Variants in MAGI2 observed in about 807,000 individuals in gnomAD.
MAGI2 encodes the protein membrane-associated guanylate kinase, WW and PDZ domain-containing protein 2.
A neutral mutation model predicts 133.3 loss-of-function variants in MAGI2; 35 were observed. The observed-to-expected ratio is 0.26, with a 90% CI of 0.20 to 0.35. MAGI2 has a LOEUF of 0.35. MAGI2 is among the 10% of genes least tolerant of loss of function. The pLI is 1.00. For synonymous variants in MAGI2, 729 were observed against 710.6 expected (o/e 1.03, Z -0.41); for missense variants, 1,636 against 1,863.4 (o/e 0.88, Z 2.25).
intron 2 of MAGI2, among the ~76,000 whole-genome samples, chr7:78,809,556 C>T (rs1339049329): frequency 6.6e-6 from 1 of 152,004 alleles, no homozygotes; most frequent in Admixed American, 6.6e-5. Context: ...GCCCACTTAC[C>T]TACAGATGTG....
intron 2 of MAGI2, among the ~76,000 whole-genome samples, chr7:78,765,943 G>A (rs924550686): frequency 6.6e-6 from 1 of 152,208 alleles, no homozygotes; most frequent in Non-Finnish European, 1.5e-5. Context: ...ACCAGCATGT[G>A]CTAAGGTCCT....
intron 2 of MAGI2, among the ~76,000 whole-genome samples, chr7:78,879,496 A>G (rs995454905): frequency 2.6e-5 from 4 of 152,078 alleles, no homozygotes; most frequent in Non-Finnish European, 5.9e-5. Flanking sequence ...ACCCTACCCA[A>G]CATTCTCTAC....
At chr7:79,300,418 G>A (rs1837304454) in intron 1 of MAGI2, among the ~76,000 whole-genome samples, 1 of 152,172 alleles carries the variant, frequency 6.6e-6, no homozygotes, top group African/African-American at 2.4e-5. Flanking sequence ...TCATGACTTA[G>A]TGATATATGA....
chr7:79,181,081 T>A (rs1483993736), intron 1 of MAGI2, among the ~76,000 whole-genome samples: 1 of 151,806 alleles, frequency 6.6e-6, no homozygotes, highest in African/African-American at 2.4e-5. Flanking sequence ...GCATTGAGTA[T>A]CTGCAGCTTT....
At chr7:78,893,396 T>G (rs911654061) in intron 2 of MAGI2, among the ~76,000 whole-genome samples, 9 of 152,138 alleles carry the variant, frequency 5.9e-5, no homozygotes, top group African/African-American at 1.9e-4. Context: ...ACCCAAAGGA[T>G]TATAAATCAT....
At chr7:79,073,962 A>C (rs6942475) in intron 1 of MAGI2, among the ~76,000 whole-genome samples, 128,155 of 151,950 alleles carry the variant, frequency 0.84, 54,607 homozygotes, top group Non-Finnish European at 0.88. Context: ...TTCAGAGACA[A>C]CCTCATAGAT....
intron 1 of MAGI2, among the ~76,000 whole-genome samples, chr7:79,385,106 A>G (rs1585789128): frequency 6.6e-6 from 1 of 151,954 alleles, no homozygotes; most frequent in East Asian, 1.9e-4. Flanking sequence ...AGGATCTTTT[A>G]AAAGATCTGA....
intron 3 of MAGI2, among the ~76,000 whole-genome samples, chr7:78,560,546 T>G (rs1026334406): frequency 6.6e-6 from 1 of 152,082 alleles, no homozygotes; most frequent in African/African-American, 2.4e-5. Context: ...TACTTTAAAA[T>G]TTTTTTAAAA....
At chr7:79,130,932 CATTT>C (rs1304248354) in intron 1 of MAGI2, among the ~76,000 whole-genome samples, 17 of 134,874 alleles carry the variant, frequency 1.3e-4, no homozygotes, top group East Asian at 6.5e-4. Context: ...TTCATTCATT[CATTT>C]ATTCATTCAC....
At chr7:78,122,103 C>T (rs1820526578) in intron 20 of MAGI2, among the ~76,000 whole-genome samples, 1 of 152,016 alleles carries the variant, frequency 6.6e-6, no homozygotes, top group Non-Finnish European at 1.5e-5. Context: ...ATGTCAAGTG[C>T]TTTATTTAGG....
intron 2 of MAGI2, among the ~76,000 whole-genome samples, chr7:78,822,837 G>A (rs1034631094): frequency 1.3e-5 from 2 of 152,146 alleles, no homozygotes; most frequent in Admixed American, 1.3e-4. Flanking sequence ...AATAAGTTAT[G>A]AGTATACAAT....
chr7:79,024,515 GCAAAACAAAA>G (rs138227043), intron 1 of MAGI2, among the ~76,000 whole-genome samples: 28 of 150,640 alleles, frequency 1.9e-4, no homozygotes, highest in South Asian at 8.4e-4. Context: ...CTTCTGCATA[GCAAAACAAAA>G]CAAAACAAAA....
chr7:78,472,014 T>C (rs1318378401), intron 6 of MAGI2, among the ~76,000 whole-genome samples: 1 of 151,862 alleles, frequency 6.6e-6, no homozygotes, highest in Non-Finnish European at 1.5e-5. Flanking sequence ...AAAACCAGGA[T>C]CTGAATCCAA....
chr7:78,839,127 G>A (rs1295564430), intron 2 of MAGI2, among the ~76,000 whole-genome samples: 1 of 151,966 alleles, frequency 6.6e-6, no homozygotes, highest in Non-Finnish European at 1.5e-5. Context: ...GATGGAAAGA[G>A]AAGCATAAAA....
At chr7:79,333,442 T>C (rs1223642477) in intron 1 of MAGI2, among the ~76,000 whole-genome samples, 1 of 152,136 alleles carries the variant, frequency 6.6e-6, no homozygotes, top group Non-Finnish European at 1.5e-5. Context: ...TTTTCAATAA[T>C]GACATCAAAT....
intron 9 of MAGI2, among the ~76,000 whole-genome samples, chr7:78,300,826 A>G (rs1797756956): frequency 6.6e-6 from 1 of 152,182 alleles, no homozygotes; most frequent in South Asian, 2.1e-4. Context: ...CGTATCTAAA[A>G]GTTCCTTGGA....
At chr7:78,666,800 A>G (rs1185636197) in intron 2 of MAGI2, among the ~76,000 whole-genome samples, 1 of 152,200 alleles carries the variant, frequency 6.6e-6, no homozygotes, top group Non-Finnish European at 1.5e-5. Flanking sequence ...AAAGGTAGCG[A>G]ATGCTTTGCC....
intron 1 of MAGI2, among the ~76,000 whole-genome samples, chr7:79,313,476 G>A (rs902848200): frequency 6.6e-6 from 1 of 151,846 alleles, no homozygotes. Context: ...CTCTCTGAGA[G>A]AAAGAATAAC....
chr7:79,044,515 C>A (rs1811988982), intron 1 of MAGI2, among the ~76,000 whole-genome samples: 1 of 152,030 alleles, frequency 6.6e-6, no homozygotes, highest in African/African-American at 2.4e-5. Context: ...ACCTTGAGAA[C>A]CAGAAGACAA....
Sources: gnomAD v4.1 joint callset for allele counts (sites outside exome capture counted in the v4.1 genomes callset) on GRCh38, gnomAD v4.1.1 for gene constraint, MANE v1.5 for transcripts, NCBI Gene and HGNC (gene_info 2026-07-23, HGNC 2026-07-21) for gene names.